The following ANKH variants were observed in gnomAD, a reference collection of about 807,000 sequenced individuals.
ANKH encodes the protein ANKH inorganic pyrophosphate transport regulator, also known as mineralization regulator ANKH.
A neutral mutation model predicts 49.0 loss-of-function variants in ANKH; 15 were observed. The ratio of observed to expected loss-of-function variants is 0.31; its 90% CI spans 0.20 to 0.47. The LOEUF is 0.47. ANKH is among the 20% of genes least tolerant of loss of function. The pLI is 1.00. For synonymous variants in ANKH, 273 were observed against 260.0 expected (o/e 1.05, Z -0.48); for missense variants, 429 against 652.0 (o/e 0.66, Z 3.72).
At chr5:14,838,038 T>C (rs977502308) in intron 1 of ANKH, among the ~76,000 whole-genome samples, 3 of 152,126 alleles carry the variant, frequency 2.0e-5, no homozygotes, top group Non-Finnish European at 4.4e-5. Flanking sequence ...CTGCATGTTA[T>C]CACTCATAGG....
At chr5:14,820,326 C>T (rs1049485837) in intron 1 of ANKH, among the ~76,000 whole-genome samples, 1 of 152,136 alleles carries the variant, frequency 6.6e-6, no homozygotes, top group African/African-American at 2.4e-5. Flanking sequence ...AATACAGGGG[C>T]TTTCTATGCA....
chr5:14,813,398 T>C (rs1347239251), intron 1 of ANKH, among the ~76,000 whole-genome samples: 2 of 152,156 alleles, frequency 1.3e-5, no homozygotes, highest in Non-Finnish European at 2.9e-5. Flanking sequence ...TAATGTGAAT[T>C]GTCATCTGAA....
chr5:14,756,123 C>T (rs1580042376), intron 3 of ANKH, among the ~76,000 whole-genome samples, 179 bp from the exon 4 acceptor site: 2 of 152,242 alleles, frequency 1.3e-5, no homozygotes, highest in East Asian at 3.9e-4. Flanking sequence ...TGGCTGGCTC[C>T]ATGTTAGAGT....
chr5:14,842,722 G>A (rs770264812), intron 1 of ANKH, among the ~76,000 whole-genome samples: 4 of 152,190 alleles, frequency 2.6e-5, no homozygotes, highest in Non-Finnish European at 5.9e-5. Flanking sequence ...GACAGGGAGT[G>A]GGGGTTTTCT....
intron 1 of ANKH, among the ~76,000 whole-genome samples, chr5:14,802,440 A>C (rs1740592312): frequency 6.6e-6 from 1 of 151,866 alleles, no homozygotes; most frequent in Admixed American, 6.6e-5. Flanking sequence ...CTGAATCCCT[A>C]TTACTACTTG....
At chr5:14,845,358 ATATATATATTTTT>A (rs761767443) in intron 1 of ANKH, among the ~76,000 whole-genome samples, 1 of 27,402 alleles carries the variant, frequency 3.6e-5, no homozygotes, top group African/African-American at 7.6e-5. Flanking sequence ...GTATATATAT[ATATATATATTTTT>A]TTTTTTACCT....
At chr5:14,842,594 A>C (rs1415623153) in intron 1 of ANKH, among the ~76,000 whole-genome samples, 1 of 152,156 alleles carries the variant, frequency 6.6e-6, no homozygotes, top group African/African-American at 2.4e-5. Flanking sequence ...ACCTGGGAAA[A>C]CTAAAATGGA....
At chr5:14,848,863 T>G (rs1417787580) in intron 1 of ANKH, among the ~76,000 whole-genome samples, 2 of 152,200 alleles carry the variant, frequency 1.3e-5, no homozygotes, top group Admixed American at 6.5e-5. Flanking sequence ...TCTTGGGAGC[T>G]CTAAGAACAA....
chr5:14,726,442 C>G (rs1737825315), intron 8 of ANKH, among the ~76,000 whole-genome samples: 1 of 152,220 alleles, frequency 6.6e-6, no homozygotes, highest in Non-Finnish European at 1.5e-5. Flanking sequence ...AGGGCTGAAT[C>G]AAGGATCCTC....
chr5:14,823,192 T>C (rs1741245213), intron 1 of ANKH, among the ~76,000 whole-genome samples: 1 of 152,184 alleles, frequency 6.6e-6, no homozygotes, highest in Non-Finnish European at 1.5e-5. Flanking sequence ...TGAACTTCAG[T>C]GTTTACTTGT....
At chr5:14,843,494 T>C (rs1741870205) in intron 1 of ANKH, among the ~76,000 whole-genome samples, 1 of 131,806 alleles carries the variant, frequency 7.6e-6, no homozygotes, top group African/African-American at 2.9e-5. Context: ...TTTTTTATAA[T>C]GCACCAGACC....
At chr5:14,777,242 C>T (rs758348466) in intron 1 of ANKH, among the ~76,000 whole-genome samples, 9 of 152,070 alleles carry the variant, frequency 5.9e-5, no homozygotes, top group Non-Finnish European at 1.2e-4. Context: ...GCCGAGATTG[C>T]GCCATTGCAC....
intron 1 of ANKH, among the ~76,000 whole-genome samples, chr5:14,818,934 G>C (rs1741122258): frequency 1.3e-5 from 2 of 152,102 alleles, no homozygotes; most frequent in South Asian, 2.1e-4. Context: ...AGCTACTTTT[G>C]AAAAAAGCTA....
intron 8 of ANKH, among the ~76,000 whole-genome samples, chr5:14,718,336 C>CT (rs1192602000): frequency 2.0e-5 from 3 of 151,888 alleles, no homozygotes; most frequent in Admixed American, 2.0e-4. Context: ...GGAAACCAGA[C>CT]TTTGACAAAG....
rs914983342 is a variant in ANKH at position 14,708,130 on chromosome 5, TG to T, written c.*3066del. 3 of 152,248 alleles carry T rather than the reference TG, an allele frequency of 2.0e-5. No homozygotes were observed. The highest frequency in any genetic ancestry group is 2.9e-5 in the Non-Finnish European group (2 of 68,042). The allele number at this position is 152,248 out of a possible 1,614,324, so 9.4% of individuals were successfully genotyped here. A position where few individuals can be genotyped will look rare whatever the true frequency, so the allele number is the denominator to read the frequency against. Reference sequence around the variant, plus strand: ...TGACGCCCTTTGCCACTGAGATCCCTGTAAGTCACTACAGAACAAATGGCAA... The same window carrying T: ...TGACGCCCTTTGCCACTGAGATCCCTTAAGTCACTACAGAACAAATGGCAA... On this transcript the variant is annotated 3_prime_UTR_variant, in exon 12 of 12. Transcript: ENST00000284268.
chr5:14,859,959 C>T (rs947586970), intron 1 of ANKH, among the ~76,000 whole-genome samples: 3 of 152,210 alleles, frequency 2.0e-5, no homozygotes, highest in Non-Finnish European at 4.4e-5. Context: ...AAGCTCCTTG[C>T]TATTTGGTGC....
At position 14,708,363 on chromosome 5, in the gene ANKH, T is replaced by C. The variant is rs1201222331; in HGVS notation, c.*2834A>G. The C allele has an allele frequency of 1.3e-5, 2 of 152,242 alleles. No individual in the cohort carries two copies. Among genetic ancestry groups the C allele is most frequent in the Non-Finnish European group, 2.9e-5 (2 of 68,036 alleles). The allele number at this position is 152,242 out of a possible 1,614,324, so 9.4% of individuals were successfully genotyped here. A position where few individuals can be genotyped will look rare whatever the true frequency, so the allele number is the denominator to read the frequency against. ...CAGTTTTGGAGAAAGTCACACCTGG[T>C]CTTTCCCTGGTCTTTGACATGAGAA... On this transcript the variant is annotated 3_prime_UTR_variant, in exon 12 of 12. Transcript: ENST00000284268.
At chr5:14,734,005 G>A (rs1424399341) in intron 8 of ANKH, among the ~76,000 whole-genome samples, 1 of 152,178 alleles carries the variant, frequency 6.6e-6, no homozygotes, top group Non-Finnish European at 1.5e-5. Context: ...CATGGAAGTC[G>A]ATCAATGAAG....
chr5:14,775,853 C>T (rs1739601371), intron 1 of ANKH, among the ~76,000 whole-genome samples: 1 of 152,174 alleles, frequency 6.6e-6, no homozygotes, highest in Non-Finnish European at 1.5e-5. Context: ...AGAGGCAGGA[C>T]AGGGGCTGCC....
Sources: gnomAD v4.1 joint callset for allele counts (sites outside exome capture counted in the v4.1 genomes callset) on GRCh38, gnomAD v4.1.1 for gene constraint, MANE v1.5 for transcripts, NCBI Gene and HGNC (gene_info 2026-07-23, HGNC 2026-07-21) for gene names.